The following PHF1 variants were observed in gnomAD, a reference collection of about 807,000 sequenced individuals.
PHF1 encodes the protein polycomb-like 1.
A neutral mutation model predicts 69.4 loss-of-function variants in PHF1; 16 were observed. The observed-to-expected ratio is 0.23, with a 90% CI of 0.16 to 0.35. PHF1 has a LOEUF of 0.35. Among genes scored for constraint, PHF1 ranks in the 10% least tolerant of loss-of-function variants. The pLI is 1.00. For synonymous variants in PHF1, 274 were observed against 275.0 expected, an observed-to-expected ratio of 1.00 and a Z score of 0.04; for missense variants, 515 against 732.8, an observed-to-expected ratio of 0.70 and a Z score of 3.43.
At position 33,414,666 on chromosome 6, in the gene PHF1, C is replaced by A; in HGVS notation, c.945-59C>A. 6 of 1,548,780 alleles carry A rather than the reference C, an allele frequency of 3.9e-6. No homozygotes were observed. Among genetic ancestry groups the A allele is most frequent in the Non-Finnish European group, 5.3e-6 (6 of 1,122,872 alleles). The stretch of plus-strand genomic sequence containing the variant: ...GTGACTGAAAAGGATTGAGGAATGG[C>A]GTAAGGAGGAACCGTTTTTTACAGC... On this transcript the variant is annotated intron_variant, in intron 10 of 14. Transcript: ENST00000374516. This position sits in a 1 kb window ranked among gnomAD's most constrained non-coding sequence, Gnocchi z 5.0.
chr6:33,413,205 AG>A lies in PHF1; in HGVS notation c.349del (p.Asp117ThrfsTer35). The A allele has an allele frequency of 6.2e-7, 1 of 1,613,976 alleles. No individual in the cohort carries two copies. The highest frequency in any genetic ancestry group is 1.1e-5 in the South Asian group (1 of 91,086). On this transcript the variant is annotated frameshift_variant, in exon 5 of 15. Coordinates refer to ENST00000374516, the MANE Select transcript of PHF1 (RefSeq NM_024165.3). LOFTEE classifies it high-confidence loss of function. ...SCEKCRHAYH[Q>X]DCHVPRAPAP... The stretch of plus-strand genomic sequence containing the variant: ...ACTATTATCACTGCAGCTTATCACC[AG>A]GACTGCCATGTTCCCAGGGCTCCAG...
In PHF1 at chr6:33,416,363, T is replaced by TG. The variant is rs1776478689; in HGVS notation, c.*270dup. 1 of 477,108 alleles carries TG rather than the reference T, an allele frequency of 2.1e-6. No homozygotes were observed. The highest frequency in any genetic ancestry group is 3.1e-5 in the East Asian group (1 of 32,224). The allele number at this position is 477,108 out of a possible 1,614,324, so 29.6% of individuals were successfully genotyped here. A position where few individuals can be genotyped will look rare whatever the true frequency, so the allele number is the denominator to read the frequency against. On this transcript the variant is annotated 3_prime_UTR_variant, in exon 15 of 15. Transcript: ENST00000374516. ...ATATTTTTTAAAATTATTTAACCCC[T>TG]GGGGGCAGAGACTGAGGAGGGAGGA... is the stretch of plus-strand genomic sequence containing the variant.
At position 33,413,805 on chromosome 6, in the gene PHF1, G is replaced by A; in HGVS notation, c.657G>A (p.Leu219=). The change falls in exon 7 of 15, where the codon CTG becomes CTA. Residue 219 remains leucine (L), a synonymous_variant. Coordinates refer to ENST00000374516, the MANE Select transcript of PHF1 (RefSeq NM_024165.3). ...TCCATGAGGCCTGCACCCAGTGTCT[G>A]AGCAAGCCCCTCCTCTATGGGGACA... The part of the protein sequence containing the change: ...QWFHEACTQC[L]SKPLLYGDRF... The A allele has an allele frequency of 6.2e-7, 1 of 1,613,864 alleles. No individual in the cohort carries two copies.
Position 33,415,300 on chromosome 6 carries a change from C to A in PHF1, c.1305C>A (p.Phe435Leu), listed in dbSNP as rs760700226. 9 of 1,613,532 alleles carry A rather than the reference C, an allele frequency of 5.6e-6. No homozygotes were observed. The Admixed American group carries it at 1.5e-4, about 27-fold the overall frequency. The change falls in exon 13 of 15, where the codon TTC becomes TTA. Residue 435 changes from phenylalanine to leucine, a missense_variant. By Grantham distance (22) the Phe-to-Leu change is conservative (BLOSUM62 0). This residue lies in a region of PHF1 where 274 missense variants were observed against 304.5 expected (regional missense o/e 0.90). Coordinates refer to ENST00000374516, the MANE Select transcript of PHF1 (RefSeq NM_024165.3). ...QSYQGSSGYN[F>L]RPTDARCLPS... ...ACCAGGGCAGCAGCGGCTACAACTT[C>A]CGGCCCACAGATGCCCGCTGCCTGC...
Position 33,412,244 on chromosome 6 carries a change from C to A in PHF1, c.-16-4C>A, listed in dbSNP as rs766981651. 1 of 1,597,812 alleles carries A rather than the reference C, an allele frequency of 6.3e-7. No homozygotes were observed. Among genetic ancestry groups the A allele is most frequent in the South Asian group, 1.1e-5 (1 of 90,674 alleles). ...CTTCTCCTCCCCATTTCTTTTCTGG[C>A]TAGGCCCCCCCAGGATGCAATGGCG... On this transcript the variant is annotated splice_polypyrimidine_tract_variant and splice_region_variant and intron_variant, in intron 1 of 14. Coordinates refer to ENST00000374516, the MANE Select transcript of PHF1 (RefSeq NM_024165.3). The surrounding 1 kb of genome is among the most constrained non-coding windows in gnomAD (Gnocchi z 4.2).
In PHF1 at chr6:33,412,253, C is replaced by A; in HGVS notation, c.-11C>A. ...CCCATTTCTTTTCTGGCTAGGCCCC[C>A]CCAGGATGCAATGGCGCAGCCCCCC... On this transcript the variant is annotated 5_prime_UTR_variant, in exon 2 of 15. Coordinates refer to ENST00000374516, the MANE Select transcript of PHF1 (RefSeq NM_024165.3). This position sits in a 1 kb window ranked among gnomAD's most constrained non-coding sequence, Gnocchi z 4.2. The A allele has an allele frequency of 1.2e-6, 2 of 1,608,446 alleles. No homozygotes were observed. Among genetic ancestry groups the A allele is most frequent in the Middle Eastern group, 1.9e-4 (1 of 5,244 alleles).
intron 5 of PHF1, 37 bp from the exon 6 acceptor site, chr6:33,413,372 A>G: frequency 6.2e-7 from 1 of 1,611,508 alleles, no homozygotes; most frequent in Non-Finnish European, 8.5e-7. Flanking sequence ...TCCTCTCCCC[A>G]CCCCTCTGAA....
Position 33,412,177 on chromosome 6 carries a change from A to AG in PHF1, c.-16-71_-16-70insG, listed in dbSNP as rs1225799971. 3.3e-6 allele frequency: 4 copies of AG among 1,196,606 alleles called. No individual in the cohort carries two copies. The African/African-American group carries it at 4.7e-5, about 14-fold the overall frequency. 74.1% of individuals were successfully genotyped at this position (1,196,606 alleles called of 1,614,324 possible). A position where few individuals can be genotyped will look rare whatever the true frequency, so the allele number is the denominator to read the frequency against. ...ACTCCATCTCAGGAAAAAAAAAAAA[A>AG]AAAGAAAAAGAAAATGGGGAAGGTT... is the stretch of plus-strand genomic sequence containing the variant. On this transcript the variant is annotated intron_variant, in intron 1 of 14. Transcript: ENST00000374516. The surrounding 1 kb of genome is among the most constrained non-coding windows in gnomAD (Gnocchi z 4.2).
chr6:33,412,830 C>T lies in PHF1; in HGVS notation c.337+37C>T, dbSNP rs751896764. Reference sequence around the variant, plus strand: ...GGTCACCTGAATGGTCCAGCTTGCTCTTCCCTCCAGGATGGTCTCTATATC... The same window carrying T: ...GGTCACCTGAATGGTCCAGCTTGCTTTTCCCTCCAGGATGGTCTCTATATC... On this transcript the variant is annotated intron_variant, in intron 4 of 14. Transcript: ENST00000374516. This position sits in a 1 kb window ranked among gnomAD's most constrained non-coding sequence, Gnocchi z 4.2. 4 of 1,551,054 alleles carry T rather than the reference C, an allele frequency of 2.6e-6. No homozygotes were observed. The highest frequency in any genetic ancestry group is 1.4e-5 in the African/African-American group (1 of 73,712).
rs935192946 is a variant in PHF1, at chr6:33,416,318, A to T, written c.*220A>T. On this transcript the variant is annotated 3_prime_UTR_variant, in exon 15 of 15. Coordinates refer to ENST00000374516, the MANE Select transcript of PHF1 (RefSeq NM_024165.3). Reference sequence around the variant, plus strand: ...CATCCTTCCCATTTCCTTTGATGTTATTTTGTTACAGCTTTTTAAATATTT... The same window carrying T: ...CATCCTTCCCATTTCCTTTGATGTTTTTTTGTTACAGCTTTTTAAATATTT... 8 of 475,652 alleles carry T rather than the reference A, an allele frequency of 1.7e-5. No homozygotes were observed. The highest frequency in any genetic ancestry group is 5.4e-4 in the Middle Eastern group (1 of 1,866). 29.5% of individuals were successfully genotyped at this position (475,652 alleles called of 1,614,324 possible).
In PHF1 at chr6:33,414,464, T is replaced by C. The variant is rs442745; in HGVS notation, c.877-13T>C. 0.35 allele frequency: 566,171 copies of C among 1,612,656 alleles called. 104,001 individuals carry two copies. The highest frequency in any genetic ancestry group is 0.38 in the Admixed American group (22,866 of 59,980). On this transcript the variant is annotated splice_polypyrimidine_tract_variant and intron_variant, in intron 9 of 14. Transcript: ENST00000374516. The surrounding 1 kb of genome is among the most constrained non-coding windows in gnomAD (Gnocchi z 5.0). Reference sequence around the variant, plus strand: ...ACTGCTCCCCTGGCCCCATTTTTCTTCATTTCTCCCAGCTTTCAGACACCC... The same window carrying C: ...ACTGCTCCCCTGGCCCCATTTTTCTCCATTTCTCCCAGCTTTCAGACACCC...
chr6:33,415,303 G>A lies in PHF1; in HGVS notation c.1308G>A (p.Arg436=), dbSNP rs1776379172. 1 of 1,613,262 alleles carries A rather than the reference G, an allele frequency of 6.2e-7. No homozygotes were observed. Among genetic ancestry groups the A allele is most frequent in the Admixed American group, 1.7e-5 (1 of 59,994 alleles). The change falls in exon 13 of 15, where the codon CGG becomes CGA. Residue 436 remains arginine, a synonymous_variant. Transcript: ENST00000374516. ...SYQGSSGYNF[R]PTDARCLPSS... ...AGGGCAGCAGCGGCTACAACTTCCG[G>A]CCCACAGATGCCCGCTGCCTGCCCA...
In PHF1 at chr6:33,415,931, C is replaced by A. The variant is rs1164238936; in HGVS notation, c.1537C>A (p.Pro513Thr). The change falls in exon 15 of 15, where the codon CCC (proline) becomes ACC (threonine). Residue 513 changes from proline to threonine, a missense_variant. Physicochemically the swap from Pro to Thr is conservative, Grantham distance 38 (BLOSUM62 -1). Transcript: ENST00000374516. ...CCCAGGTCTTCCTAGACGCTCAGCACCCCCTTCTCCCCTGTGCCGTAGTTT... is the reference window on the plus strand; with the variant it reads ...CCCAGGTCTTCCTAGACGCTCAGCAACCCCTTCTCCCCTGTGCCGTAGTTT... Reference protein sequence around the residue: ...PSPGLPRRSAPPSPLCRSLSP... With the variant: ...PSPGLPRRSATPSPLCRSLSP... 4 of 1,614,142 alleles carry A rather than the reference C, an allele frequency of 2.5e-6. No individual in the cohort carries two copies. The highest frequency in any genetic ancestry group is 2.2e-5 in the East Asian group (1 of 44,888).
chr6:33,413,897 C>A, intron 7 of PHF1, 66 bp downstream of exon 7: 4 of 1,527,802 alleles, frequency 2.6e-6, no homozygotes, highest in Non-Finnish European at 3.6e-6. Context: ...ACCCTCAGTT[C>A]TCCCACGCCC....
intron 1 of PHF1, among the ~76,000 whole-genome samples, chr6:33,411,863 A>G (rs1223956412): frequency 6.6e-6 from 1 of 152,178 alleles, no homozygotes; most frequent in Non-Finnish European, 1.5e-5. Context: ...CAAAATAGGC[A>G]AAGAAAATGG....
chr6:33,412,937 AG>A lies in PHF1; in HGVS notation c.337+147del. The stretch of plus-strand genomic sequence containing the variant: ...CTTAGTCCTCATCCGCTTTCAGCCC[AG>A]GGAGAAGCAGCCATGGAAAGGGGTG... On this transcript the variant is annotated intron_variant, in intron 4 of 14. Coordinates refer to ENST00000374516, the MANE Select transcript of PHF1 (RefSeq NM_024165.3). The surrounding 1 kb of genome is among the most constrained non-coding windows in gnomAD (Gnocchi z 4.2). 1 of 743,432 alleles carries A rather than the reference AG, an allele frequency of 1.3e-6. No homozygotes were observed. 46.1% of individuals were successfully genotyped at this position (743,432 alleles called of 1,614,324 possible). A position where few individuals can be genotyped will look rare whatever the true frequency, so the allele number is the denominator to read the frequency against.
rs769836466 is a variant in PHF1, at chr6:33,412,771, C to T, written c.315C>T (p.Val105=). The T allele has an allele frequency of 6.2e-7, 1 of 1,613,962 alleles. No individual in the cohort carries two copies. The highest frequency in any genetic ancestry group is 8.5e-7 in the Non-Finnish European group (1 of 1,179,976). The change falls in exon 4 of 15, where the codon GTC becomes GTT. Residue 105 remains valine (V), a synonymous_variant. Coordinates refer to ENST00000374516, the MANE Select transcript of PHF1 (RefSeq NM_024165.3). This position sits in a 1 kb window ranked among gnomAD's most constrained non-coding sequence, Gnocchi z 4.2. ...CTGTGGTCCCTGGGAACCGGCTGGT[C>T]AGCTGTGAGAAGTGTCGCCATGGTG... is the stretch of plus-strand genomic sequence containing the variant. ...SETVVPGNRL[V]SCEKCRHAYH...
rs202000229 is a variant in PHF1 at position 33,415,086 on chromosome 6, G to C, written c.1181G>C (p.Arg394Pro). 1.9e-6 allele frequency: 3 copies of C among 1,612,754 alleles called. No homozygotes were observed. The highest frequency in any genetic ancestry group is 3.3e-5 in the Admixed American group (2 of 59,814). The change falls in exon 12 of 15, where the codon CGC becomes CCC. Residue 394 changes from arginine to proline, a missense_variant. Arg to Pro is a moderately radical substitution (Grantham distance 103, BLOSUM62 -2). This residue lies in a region of PHF1 where 274 missense variants were observed against 304.5 expected (regional missense o/e 0.90). Coordinates refer to ENST00000374516, the MANE Select transcript of PHF1 (RefSeq NM_024165.3). ...GAGCTGGGGCCACCCTCAGCAGTGCGCAATCAGCCCGAGCCCCAGGAGCAG... is the reference window on the plus strand; with the variant it reads ...GAGCTGGGGCCACCCTCAGCAGTGCCCAATCAGCCCGAGCCCCAGGAGCAG... ...VEELGPPSAVRNQPEPQEQRE... is the reference protein window; with the variant it reads ...VEELGPPSAVPNQPEPQEQRE...
chr6:33,416,416 T>C lies in PHF1; in HGVS notation c.*318T>C, dbSNP rs1011624341. On this transcript the variant is annotated 3_prime_UTR_variant, in exon 15 of 15. Transcript: ENST00000374516. ...ATAAGGGATCCCGGACTCTGTATGA[T>C]TGAAATAAAGAGAAATAAACAAATC... 1.1e-5 allele frequency: 6 copies of C among 541,476 alleles called. No individual in the cohort carries two copies. Among genetic ancestry groups the C allele is most frequent in the African/African-American group, 7.5e-5 (4 of 53,072 alleles). 33.5% of individuals were successfully genotyped at this position (541,476 alleles called of 1,614,324 possible). A position where few individuals can be genotyped will look rare whatever the true frequency, so the allele number is the denominator to read the frequency against.
Sources: allele counts gnomAD v4.1 joint callset (sites outside exome capture counted in the v4.1 genomes callset), GRCh38; gene constraint gnomAD v4.1.1; regional missense constraint gnomAD v4.1.1; non-coding constraint Gnocchi (gnomAD v3.1); transcripts MANE v1.5; gene names NCBI Gene and HGNC (gene_info 2026-07-23, HGNC 2026-07-21).